Variants in GLYATL1 observed in about 807,000 individuals in gnomAD.
GLYATL1 encodes the protein glycine-N-acyltransferase like 1, also known as glycine N-acyltransferase-like protein 1.
GLYATL1 carries 15 observed loss-of-function variants against 20.0 expected under a neutral mutation model. The ratio of observed to expected loss-of-function variants is 0.75; its 90% confidence interval spans 0.50 to 1.15. The LOEUF (loss-of-function observed/expected upper bound fraction) is 1.15. GLYATL1 is among the 50% of genes most tolerant of loss of function. The pLI, the probability that GLYATL1 is intolerant of heterozygous loss-of-function variation, is 0.00. For missense variants in GLYATL1, 380 were observed against 368.5 expected, an observed-to-expected ratio of 1.03 and a Z score of -0.26; for synonymous variants, 151 against 131.5, an observed-to-expected ratio of 1.15 and a Z score of -1.01.
chr11:58,920,002 G>A (rs2135111968), intron 1 of GLYATL1, among the ~76,000 whole-genome samples: 1 of 152,250 alleles, frequency 6.6e-6, no homozygotes, highest in Admixed American at 6.5e-5. Context: ...GGCAAACCAG[G>A]CCCTTTCATT....
At chr11:58,947,331 T>C in intron 3 of GLYATL1, 166 bp downstream of exon 3, 1 of 957,934 alleles carries the variant, frequency 1.0e-6, no homozygotes, top group Non-Finnish European at 1.5e-6. Context: ...TGCTTCTCTT[T>C]GGGAAGAGGC....
chr11:58,908,931 T>C (rs996676691), downstream of GLYATL1, among the ~76,000 whole-genome samples: 1 of 152,170 alleles, frequency 6.6e-6, no homozygotes, highest in Non-Finnish European at 1.5e-5. Context: ...ATTATCATCC[T>C]TATTTTCCAA....
chr11:58,956,377 G>T lies in GLYATL1; in HGVS notation c.*350G>T. The T allele has an allele frequency of 4.4e-6, 1 of 227,642 alleles. No homozygotes were observed. Among genetic ancestry groups the T allele is most frequent in the African/African-American group, 2.3e-5 (1 of 44,402 alleles). The allele number at this position is 227,642 out of a possible 1,614,324, so 14.1% of individuals were successfully genotyped here. A position where few individuals can be genotyped will look rare whatever the true frequency, so the allele number is the denominator to read the frequency against. The stretch of plus-strand genomic sequence containing the variant: ...ATCTACTATCTGGAAGATAAATGAA[G>T]GATTTTAATAAAATTTTCAATAGAA... On this transcript the variant is annotated 3_prime_UTR_variant, in exon 7 of 7. Coordinates refer to ENST00000532726, the MANE Select transcript of GLYATL1 (RefSeq NM_001389712.2).
chr11:58,914,372 G>C (rs900267538), intron 1 of GLYATL1, among the ~76,000 whole-genome samples: 7 of 152,148 alleles, frequency 4.6e-5, no homozygotes, highest in Admixed American at 3.3e-4. Context: ...TTTATTAGGG[G>C]CTTATGCTTG....
chr11:58,944,428 A>G (rs1856419885), intron 2 of GLYATL1, among the ~76,000 whole-genome samples: 1 of 152,140 alleles, frequency 6.6e-6, no homozygotes, highest in Middle Eastern at 3.2e-3. Flanking sequence ...GACTGTGGGG[A>G]AAAAAGAAAA....
chr11:58,919,726 A>G (rs1031974867), intron 1 of GLYATL1, among the ~76,000 whole-genome samples: 2 of 152,306 alleles, frequency 1.3e-5, no homozygotes, highest in South Asian at 4.1e-4. Context: ...TGTGGCTTAA[A>G]TTTCTTGAAT....
upstream of GLYATL1, among the ~76,000 whole-genome samples, chr11:58,938,753 G>A (rs975017995): frequency 6.6e-6 from 1 of 152,174 alleles, no homozygotes; most frequent in Admixed American, 6.5e-5. Context: ...CAGGGGTCTA[G>A]TTCCAGCCGT....
chr11:58,934,049 T>C (rs10896880), intron 1 of GLYATL1: 24,252 of 152,800 alleles, frequency 0.16, 2,106 homozygotes, highest in East Asian at 0.31. Context: ...AACATGGCTC[T>C]GAGGCGTGCA....
intron 1 of GLYATL1, among the ~76,000 whole-genome samples, chr11:58,932,110 C>CAAAAAAAAA (rs5792141): frequency 3.3e-5 from 2 of 61,488 alleles, no homozygotes; most frequent in Non-Finnish European, 5.4e-5. Context: ...GACCCCTTCT[C>CAAAAAAAAA]AAAAAAAAAA....
intron 1 of GLYATL1, chr11:58,905,723 G>T (rs1274571346): frequency 9.1e-6 from 2 of 218,880 alleles, no homozygotes; most frequent in East Asian, 1.7e-4. Context: ...GACCGGGATG[G>T]GTCATCTGGA....
intron 1 of GLYATL1, among the ~76,000 whole-genome samples, chr11:58,919,910 T>C (rs2135111691): frequency 6.6e-6 from 1 of 152,308 alleles, no homozygotes; most frequent in Non-Finnish European, 1.5e-5. Context: ...TTCACAAACC[T>C]GGGGGCCACC....
upstream of GLYATL1, among the ~76,000 whole-genome samples, chr11:58,924,088 T>A (rs1292809488): frequency 6.6e-6 from 1 of 152,194 alleles, no homozygotes; most frequent in African/African-American, 2.4e-5. Flanking sequence ...CTGCTGAGTG[T>A]CCGACCGCCT....
chr11:58,948,720 T>G (rs570254562), intron 4 of GLYATL1, among the ~76,000 whole-genome samples: 7 of 152,330 alleles, frequency 4.6e-5, no homozygotes, highest in Admixed American at 4.6e-4. Context: ...GTCAACTGTG[T>G]GGAAGCACTT....
At chr11:58,910,888 C>T (rs866562715), downstream of GLYATL1, among the ~76,000 whole-genome samples, 2 of 152,256 alleles carry the variant, frequency 1.3e-5, no homozygotes, top group South Asian at 4.2e-4. Flanking sequence ...GTCATGTAAC[C>T]AAGACCAAAT....
upstream of GLYATL1, chr11:58,934,902 C>T (rs1396345975): frequency 6.6e-6 from 1 of 152,482 alleles, no homozygotes; most frequent in Non-Finnish European, 1.5e-5. Context: ...GGTCTGGAAC[C>T]TAGGGTGGAC....
chr11:58,917,872 G>T (rs1231344073), intron 1 of GLYATL1, among the ~76,000 whole-genome samples: 1 of 152,210 alleles, frequency 6.6e-6, no homozygotes, highest in Non-Finnish European at 1.5e-5. Flanking sequence ...ATGTTATCAA[G>T]ACTTCACCTG....
intron 6 of GLYATL1, 21 bp from the exon 7 acceptor site, chr11:58,955,589 C>A (rs561528206): frequency 8.1e-6 from 13 of 1,606,036 alleles, no homozygotes; most frequent in South Asian, 3.3e-5. Flanking sequence ...AAGTTGTTGT[C>A]TTTCTTTTTG....
At chr11:58,911,297 G>T (rs1855036198), downstream of GLYATL1, among the ~76,000 whole-genome samples, 1 of 152,164 alleles carries the variant, frequency 6.6e-6, no homozygotes, top group Non-Finnish European at 1.5e-5. Context: ...TTTGCATACA[G>T]GTTTTTGTAT....
At chr11:58,922,428 T>C (rs896441778) in intron 1 of GLYATL1, among the ~76,000 whole-genome samples, 1 of 151,890 alleles carries the variant, frequency 6.6e-6, no homozygotes, top group Non-Finnish European at 1.5e-5. Flanking sequence ...CCATGCTCAT[T>C]ATAATAGGTG....
Sources: allele counts gnomAD v4.1 joint callset (sites outside exome capture counted in the v4.1 genomes callset), GRCh38; gene constraint gnomAD v4.1.1; transcripts MANE v1.5; gene names NCBI Gene and HGNC (gene_info 2026-07-23, HGNC 2026-07-21).